Variants in SLC10A2 observed in about 807,000 individuals in gnomAD.
The protein encoded by SLC10A2 is ileal sodium/bile acid cotransporter.
A neutral mutation model predicts 27.1 loss-of-function variants in SLC10A2; 34 were observed. That is an observed-to-expected ratio of 1.26 (90% CI 0.96 to 1.67). The LOEUF (loss-of-function observed/expected upper bound fraction) is 1.67, where lower values mean the gene tolerates loss of function less well. SLC10A2 is among the 40% of genes most tolerant of loss of function. The pLI, the probability that SLC10A2 is intolerant of heterozygous loss-of-function variation, is 0.00. For synonymous variants in SLC10A2, 205 were observed against 174.0 expected, an observed-to-expected ratio of 1.18 and a Z score of -1.40; for missense variants, 530 against 444.4, an observed-to-expected ratio of 1.19 and a Z score of -1.73.
At chr13:103,056,436 G>A (rs1875940041) in intron 2 of SLC10A2, among the ~76,000 whole-genome samples, 1 of 151,878 alleles carries the variant, frequency 6.6e-6, no homozygotes, top group African/African-American at 2.4e-5. Context: ...TCACATCACA[G>A]AATATGGTAT....
intron 5 of SLC10A2, among the ~76,000 whole-genome samples, chr13:103,048,889 C>T (rs996201211): frequency 3.9e-5 from 6 of 152,098 alleles, no homozygotes; most frequent in Non-Finnish European, 7.4e-5. Flanking sequence ...TCTTTGTATA[C>T]CAGTTTTCTG....
At chr13:103,052,928 T>C (rs1193748324) in intron 2 of SLC10A2, among the ~76,000 whole-genome samples, 1 of 152,202 alleles carries the variant, frequency 6.6e-6, no homozygotes, top group Non-Finnish European at 1.5e-5. Context: ...TGGTAGATAA[T>C]TGATAATATC....
In SLC10A2 at chr13:103,052,654, T is replaced by C. The variant is rs769297319; in HGVS notation, c.551A>G (p.His184Arg). ...GATCTTTGCTTTTTGGGGCCATTTGTGATTAACAAACATTCCAATGGAAAC... is the reference window on the plus strand; with the variant it reads ...GATCTTTGCTTTTTGGGGCCATTTGCGATTAACAAACATTCCAATGGAAAC... ...VPVSIGMFVN[H>R]KWPQKAKIIL... is the part of the protein sequence containing the mutation. The change falls in exon 3 of 6, where the codon CAC (histidine) becomes CGC (arginine). Residue 184 changes from histidine (H) to arginine (R), a missense_variant. Coordinates refer to ENST00000245312, the MANE Select transcript of SLC10A2 (RefSeq NM_000452.3). 1.2e-6 allele frequency: 2 copies of C among 1,612,206 alleles called. No homozygotes were observed. Among genetic ancestry groups the C allele is most frequent in the South Asian group, 2.2e-5 (2 of 91,038 alleles).
At chr13:103,064,441 C>A (rs539560056) in intron 1 of SLC10A2, among the ~76,000 whole-genome samples, 55 of 152,088 alleles carry the variant, frequency 3.6e-4, no homozygotes, top group Non-Finnish European at 6.8e-4. Flanking sequence ...GTACCACACA[C>A]GTTTTTTTTC....
chr13:103,048,434 G>C (rs574548764), intron 5 of SLC10A2, among the ~76,000 whole-genome samples: 1 of 150,836 alleles, frequency 6.6e-6, no homozygotes, highest in Non-Finnish European at 1.5e-5. Context: ...AAAAAGAAAA[G>C]AGAGAGAGAG....
At chr13:103,056,237 C>A (rs1287039561) in intron 2 of SLC10A2, among the ~76,000 whole-genome samples, 8 of 152,206 alleles carry the variant, frequency 5.3e-5, no homozygotes, top group Non-Finnish European at 1.0e-4. Context: ...TACTGAGGAA[C>A]AAGTATTCTG....
In SLC10A2 at chr13:103,060,230, C is replaced by T. The variant is rs532328330; in HGVS notation, c.378-1848G>A. Among the ~76,000 whole-genome samples the T allele has an allele frequency of 1.0e-3, 153 of 152,186 alleles. 1 individual carries two copies. The highest frequency in any genetic ancestry group is 6.8e-3 in the Middle Eastern group (2 of 294). ...ACACACTGTCTGGGCTGAAAGCAGG[C>T]GGTGCCACTTAGTGTGTTAATTTGA... On this transcript the variant is annotated intron_variant, in intron 1 of 5. Coordinates refer to ENST00000245312, the MANE Select transcript of SLC10A2 (RefSeq NM_000452.3).
At chr13:103,046,316 T>A in intron 5 of SLC10A2, 56 bp from the exon 6 acceptor site, 6 of 1,373,516 alleles carry the variant, frequency 4.4e-6, no homozygotes, top group Non-Finnish European at 5.1e-6. Flanking sequence ...ACTGCAAAAT[T>A]ACTTTGCATA....
intron 4 of SLC10A2, among the ~76,000 whole-genome samples, chr13:103,050,294 A>G (rs1875738667): frequency 6.6e-6 from 1 of 152,188 alleles, no homozygotes; most frequent in African/African-American, 2.4e-5. Flanking sequence ...TCGGATTGGA[A>G]GGCAAGCCCA....
At chr13:103,049,226 T>C (rs572761873) in intron 5 of SLC10A2, 63 bp downstream of exon 5, 3 of 1,577,934 alleles carry the variant, frequency 1.9e-6, no homozygotes, top group East Asian at 2.3e-5. Context: ...AAAAAAATGT[T>C]GTTTTAGCAA....
chr13:103,046,048 C>T lies in SLC10A2; in HGVS notation c.*85G>A. ...AATTTTCACTTTAACTCTTTTCTGCCAACTGTCCTACCAAAACAAATAATT... is the reference window on the plus strand; with the variant it reads ...AATTTTCACTTTAACTCTTTTCTGCTAACTGTCCTACCAAAACAAATAATT... On this transcript the variant is annotated 3_prime_UTR_variant, in exon 6 of 6. Coordinates refer to ENST00000245312, the MANE Select transcript of SLC10A2 (RefSeq NM_000452.3). 1 of 1,521,492 alleles carries T rather than the reference C, an allele frequency of 6.6e-7. No individual in the cohort carries two copies. The highest frequency in any genetic ancestry group is 9.1e-7 in the Non-Finnish European group (1 of 1,100,990). The allele number at this position is 1,521,492 out of a possible 1,614,324, so 94.2% of individuals were successfully genotyped here.
In SLC10A2 at chr13:103,044,620, G is replaced by C. The variant is rs544459329; in HGVS notation, c.*1513C>G. ...AGAATCCCTCACCCCTCTACTGGAAGAGCTAAGTTGAGTTCCTGTTCCCAT... is the reference window on the plus strand; with the variant it reads ...AGAATCCCTCACCCCTCTACTGGAACAGCTAAGTTGAGTTCCTGTTCCCAT... On this transcript the variant is annotated 3_prime_UTR_variant, in exon 6 of 6. Transcript: ENST00000245312. 6.6e-6 allele frequency: 1 copy of C among 152,250 alleles called. No homozygotes were observed. Among genetic ancestry groups the C allele is most frequent in the African/African-American group, 2.4e-5 (1 of 41,550 alleles). The allele number at this position is 152,250 out of a possible 1,614,324, so 9.4% of individuals were successfully genotyped here.
chr13:103,065,511 A>G (rs1388608760), intron 1 of SLC10A2, among the ~76,000 whole-genome samples: 1 of 152,046 alleles, frequency 6.6e-6, no homozygotes, highest in African/African-American at 2.4e-5. Context: ...TTACAAAGAA[A>G]GTGTATTTTG....
intron 4 of SLC10A2, 118 bp downstream of exon 4, chr13:103,051,139 A>AT: frequency 1.0e-6 from 1 of 953,510 alleles, no homozygotes; most frequent in South Asian, 1.3e-5. Flanking sequence ...CCATGAGACA[A>AT]TAAGTGTCTG....
At chr13:103,052,843 G>A (rs1875827176) in intron 2 of SLC10A2, 135 bp from the exon 3 acceptor site, 1 of 697,726 alleles carries the variant, frequency 1.4e-6, no homozygotes. Context: ...ACAGAATACA[G>A]AATTACACAC....
chr13:103,051,520 C>T (rs544459256), intron 3 of SLC10A2, 88 bp from the exon 4 acceptor site: 1 of 1,392,378 alleles, frequency 7.2e-7, no homozygotes, highest in African/African-American at 1.4e-5. Flanking sequence ...TCAGCAGTCT[C>T]CTTGTCCCTG....
chr13:103,056,975 C>T (rs1389823009), intron 2 of SLC10A2, among the ~76,000 whole-genome samples: 1 of 152,166 alleles, frequency 6.6e-6, no homozygotes, highest in Non-Finnish European at 1.5e-5. Flanking sequence ...CTCAATCACC[C>T]TAAATCACAG....
intron 5 of SLC10A2, among the ~76,000 whole-genome samples, chr13:103,048,763 A>G (rs1372893470): frequency 6.6e-6 from 1 of 152,206 alleles, no homozygotes; most frequent in South Asian, 2.1e-4. Flanking sequence ...AGTACTTTAC[A>G]TAAGGAACAT....
At chr13:103,056,017 G>T (rs1875926732) in intron 2 of SLC10A2, among the ~76,000 whole-genome samples, 1 of 152,244 alleles carries the variant, frequency 6.6e-6, no homozygotes, top group South Asian at 2.1e-4. Flanking sequence ...TAGCCAGTCA[G>T]GTTTTAGCTT....
Sources: gnomAD v4.1 joint callset for allele counts (sites outside exome capture counted in the v4.1 genomes callset) on GRCh38, gnomAD v4.1.1 for gene constraint, MANE v1.5 for transcripts, NCBI Gene and HGNC (gene_info 2026-07-23, HGNC 2026-07-21) for gene names.